The following TAFA2 variants were observed in gnomAD, a reference collection of about 807,000 sequenced individuals.
TAFA2 encodes TAFA chemokine like family member 2.
TAFA2 carries 7 observed loss-of-function variants against 18.8 expected under a neutral mutation model. The ratio of observed to expected loss-of-function variants is 0.37; its 90% CI spans 0.21 to 0.70. The LOEUF (loss-of-function observed/expected upper bound fraction) is 0.70, where lower values mean the gene tolerates loss of function less well. Among genes scored for constraint, TAFA2 ranks in the 30% least tolerant of loss-of-function variants. The pLI, the probability that TAFA2 is intolerant of heterozygous loss-of-function variation, is 0.53. For missense variants in TAFA2, 122 were observed against 158.1 expected (o/e 0.77, Z 1.23); for synonymous variants, 60 against 54.2 (o/e 1.11, Z -0.47).
At chr12:61,997,199 A>G (rs570697792) in intron 1 of TAFA2, among the ~76,000 whole-genome samples, 15,582 of 137,586 alleles carry the variant, frequency 0.11, 935 homozygotes, top group East Asian at 0.18. Context: ...GTGTATATAT[A>G]TATATATAAC....
At chr12:62,234,791 C>T (rs528662769) in intron 1 of TAFA2, 38 of 1,039,854 alleles carry the variant, frequency 3.7e-5, no homozygotes, top group East Asian at 7.3e-5. Flanking sequence ...TGGGATGCTC[C>T]GGTAGGAATG....
intron 1 of TAFA2, among the ~76,000 whole-genome samples, chr12:62,201,427 T>A (rs2062670510): frequency 6.6e-6 from 1 of 152,188 alleles, no homozygotes; most frequent in African/African-American, 2.4e-5. Context: ...ACCTAGTATA[T>A]TGAGAGTTTT....
intron 1 of TAFA2, among the ~76,000 whole-genome samples, chr12:62,149,247 A>G (rs1016938419): frequency 4.6e-5 from 7 of 152,200 alleles, no homozygotes; most frequent in Non-Finnish European, 7.3e-5. Flanking sequence ...CGAGAATTAA[A>G]ATCCAGGTCC....
rs113162208 is a variant in TAFA2, at chr12:61,939,613, C to G, written c.-1-72187G>C. On this transcript the variant is annotated intron_variant, in intron 1 of 4. Coordinates refer to ENST00000416284, the MANE Select transcript of TAFA2 (RefSeq NM_178539.5). Reference sequence around the variant, plus strand: ...TATAAAGTAGGAAAAAGTACAGTCTCTGTCTACTTCATATGCTTGTTTTGT... The same window carrying G: ...TATAAAGTAGGAAAAAGTACAGTCTGTGTCTACTTCATATGCTTGTTTTGT... Among the ~76,000 whole-genome samples the G allele has an allele frequency of 1.1e-4, 17 of 152,346 alleles. 1 individual carries two copies. The highest frequency in any genetic ancestry group is 4.1e-4 in the African/African-American group (17 of 41,584).
chr12:62,011,986 G>C (rs1469556147), intron 1 of TAFA2, among the ~76,000 whole-genome samples: 1 of 152,154 alleles, frequency 6.6e-6, no homozygotes, highest in African/African-American at 2.4e-5. Context: ...TATGAGAATA[G>C]ATCCCTAATA....
At chr12:62,220,826 G>A (rs1422070631) in intron 1 of TAFA2, among the ~76,000 whole-genome samples, 3 of 151,950 alleles carry the variant, frequency 2.0e-5, no homozygotes, top group Non-Finnish European at 2.9e-5. Context: ...AAGGGAAGGG[G>A]GCCGGGCGCG....
At chr12:62,017,315 A>G (rs551655914) in intron 1 of TAFA2, among the ~76,000 whole-genome samples, 74 of 152,324 alleles carry the variant, frequency 4.9e-4, no homozygotes, top group African/African-American at 1.5e-3. Flanking sequence ...AAAATGGCAC[A>G]TATTTAGAAA....
At chr12:61,905,222 G>A (rs1230337048) in intron 1 of TAFA2, among the ~76,000 whole-genome samples, 2 of 152,106 alleles carry the variant, frequency 1.3e-5, no homozygotes, top group East Asian at 1.9e-4. Context: ...TAAGAAGATA[G>A]TTTCTTATCT....
intron 2 of TAFA2, among the ~76,000 whole-genome samples, chr12:61,761,430 T>C (rs1053809250): frequency 6.6e-6 from 1 of 152,054 alleles, no homozygotes; most frequent in African/African-American, 2.4e-5. Context: ...CACAGTAGAA[T>C]AATATTTATG....
intron 1 of TAFA2, among the ~76,000 whole-genome samples, chr12:61,895,763 TA>T (rs1326893562): frequency 6.6e-6 from 1 of 152,124 alleles, no homozygotes; most frequent in Non-Finnish European, 1.5e-5. Flanking sequence ...CACAGCTAAA[TA>T]GTAGGTACTC....
chr12:61,740,772 G>T (rs1395819810), intron 4 of TAFA2, among the ~76,000 whole-genome samples: 1 of 151,428 alleles, frequency 6.6e-6, no homozygotes, highest in Non-Finnish European at 1.5e-5. Context: ...CCAATGGTAA[G>T]CAGAACCTCA....
intron 1 of TAFA2, among the ~76,000 whole-genome samples, chr12:61,982,076 G>A (rs552303218): frequency 4.0e-4 from 61 of 152,270 alleles, no homozygotes; most frequent in Non-Finnish European, 7.2e-4. Flanking sequence ...TTAAGAAAAT[G>A]TGGCACATAT....
chr12:61,771,850 A>C (rs1206745468), intron 2 of TAFA2, among the ~76,000 whole-genome samples: 2 of 151,744 alleles, frequency 1.3e-5, no homozygotes, highest in Non-Finnish European at 2.9e-5. Context: ...ACCAAAACCA[A>C]ACCCAACAGA....
chr12:61,929,153 A>G (rs1016037559), intron 1 of TAFA2, among the ~76,000 whole-genome samples: 2 of 150,554 alleles, frequency 1.3e-5, no homozygotes, highest in Non-Finnish European at 2.9e-5. Flanking sequence ...AACTTAAAGT[A>G]TAATTTAAAA....
At chr12:61,934,186 T>C (rs73310271) in intron 1 of TAFA2, among the ~76,000 whole-genome samples, 11,211 of 152,252 alleles carry the variant, frequency 0.074, 1,342 homozygotes, top group African/African-American at 0.25. Flanking sequence ...ATCCTGTTGC[T>C]GCACAGCACA....
At chr12:61,847,298 T>C (rs1592431048) in intron 2 of TAFA2, among the ~76,000 whole-genome samples, 1 of 152,126 alleles carries the variant, frequency 6.6e-6, no homozygotes, top group Non-Finnish European at 1.5e-5. Flanking sequence ...AGTTGAGGAG[T>C]TCCTTGACAG....
chr12:61,819,238 T>A (rs779113459), intron 2 of TAFA2, among the ~76,000 whole-genome samples: 2 of 152,204 alleles, frequency 1.3e-5, no homozygotes, highest in African/African-American at 4.8e-5. Flanking sequence ...GATAGTTAAA[T>A]GTTTTCAAAA....
intron 1 of TAFA2, among the ~76,000 whole-genome samples, chr12:62,172,210 G>A (rs993292185): frequency 3.9e-5 from 6 of 151,902 alleles, no homozygotes; most frequent in Admixed American, 2.0e-4. Context: ...AAAAAACAAG[G>A]ATGCCTTCCT....
At chr12:61,978,592 C>T (rs117330873) in intron 1 of TAFA2, among the ~76,000 whole-genome samples, 2 of 152,114 alleles carry the variant, frequency 1.3e-5, no homozygotes, top group Non-Finnish European at 2.9e-5. Context: ...AACTGGATTT[C>T]CTCTTGGTTC....
Sources: gnomAD v4.1 joint callset for allele counts (sites outside exome capture counted in the v4.1 genomes callset) on GRCh38, gnomAD v4.1.1 for gene constraint, MANE v1.5 for transcripts, NCBI Gene and HGNC (gene_info 2026-07-23, HGNC 2026-07-21) for gene names.